The following JAK2 variants were observed in gnomAD, a reference collection of about 807,000 sequenced individuals.
JAK2 encodes tyrosine-protein kinase JAK2.
A neutral mutation model predicts 139.3 loss-of-function variants in JAK2; 86 were observed. That is an observed-to-expected ratio of 0.62 (90% CI 0.52 to 0.74). The LOEUF is 0.74. JAK2 is among the 30% of genes least tolerant of loss of function. The pLI is 0.00. For missense variants in JAK2, 1,421 were observed against 1,360.3 expected (o/e 1.04, Z -0.70); for synonymous variants, 490 against 437.7 (o/e 1.12, Z -1.49).
rs1824121758 is a variant in JAK2, at chr9:5,128,097, TGTGTGTG to T, written c.*1307_*1313del. The T allele has an allele frequency of 1.3e-5, 3 of 231,684 alleles. No homozygotes were observed. The highest frequency in any genetic ancestry group is 6.7e-5 in the African/African-American group (3 of 45,026). 14.4% of individuals were successfully genotyped at this position (231,684 alleles called of 1,614,324 possible). A position where few individuals can be genotyped will look rare whatever the true frequency, so the allele number is the denominator to read the frequency against. ...GGTGGGTTTTGTGTGTGTGTGTGTG[TGTGTGTG>T]TGTGTGTGTGTGTGTGTTATTTATA... On this transcript the variant is annotated 3_prime_UTR_variant, in exon 25 of 25. Transcript: ENST00000381652.
intron 4 of JAK2, among the ~76,000 whole-genome samples, chr9:5,036,394 A>G (rs1823603025): frequency 6.6e-6 from 1 of 152,190 alleles, no homozygotes; most frequent in Non-Finnish European, 1.5e-5. Context: ...TTCATATGGA[A>G]CCAAAAAAGA....
chr9:5,117,604 T>C (rs1318623800), intron 22 of JAK2, among the ~76,000 whole-genome samples: 1 of 152,200 alleles, frequency 6.6e-6, no homozygotes, highest in Non-Finnish European at 1.5e-5. Flanking sequence ...AAAGTTTATT[T>C]TGGAAATAGT....
At chr9:4,990,007 C>G (rs868441054) in intron 2 of JAK2, among the ~76,000 whole-genome samples, 3 of 152,044 alleles carry the variant, frequency 2.0e-5, no homozygotes, top group Admixed American at 1.3e-4. Context: ...AGTGCTAGGT[C>G]TCATATGAAT....
At chr9:5,122,497 CTCT>C (rs1329170660) in intron 22 of JAK2, among the ~76,000 whole-genome samples, 1 of 152,056 alleles carries the variant, frequency 6.6e-6, no homozygotes, top group Non-Finnish European at 1.5e-5. Context: ...TTAGAAGGTA[CTCT>C]GCAGTTAACC....
intron 22 of JAK2, among the ~76,000 whole-genome samples, chr9:5,115,961 A>G (rs1823126327): frequency 2.0e-5 from 3 of 151,974 alleles, no homozygotes; most frequent in Non-Finnish European, 4.4e-5. Context: ...AATGTAGTTG[A>G]TGGGTTGATG....
intron 4 of JAK2, among the ~76,000 whole-genome samples, chr9:5,032,766 A>C (rs199695257): frequency 6.6e-6 from 1 of 152,228 alleles, no homozygotes; most frequent in Non-Finnish European, 1.5e-5. Context: ...CATCAAAGAC[A>C]AAAGGTAGAT....
At chr9:5,080,163 T>G in intron 16 of JAK2, 66 bp from the exon 17 acceptor site, 5 of 1,226,854 alleles carry the variant, frequency 4.1e-6, no homozygotes, top group Non-Finnish European at 5.7e-6. Context: ...TTTAAAGCTA[T>G]TTACATATAA....
At position 5,121,660 on chromosome 9, in the gene JAK2, A is replaced by G. The variant is rs574810111; in HGVS notation, c.3060-1344A>G. ...GAGGCTTTGAAGCAAGAGATTTTTA[A>G]AAGATTTACATACACTTCAAAAAGA... On this transcript the variant is annotated intron_variant, in intron 22 of 24. Coordinates refer to ENST00000381652, the MANE Select transcript of JAK2 (RefSeq NM_004972.4). Among the ~76,000 whole-genome samples, 6 of 152,314 alleles carry G rather than the reference A, an allele frequency of 3.9e-5. No individual in the cohort carries two copies. The South Asian group carries it at 1.0e-3, about 26-fold the overall frequency.
chr9:5,020,542 G>A (rs182776540), intron 2 of JAK2, among the ~76,000 whole-genome samples: 1 of 152,276 alleles, frequency 6.6e-6, no homozygotes, highest in African/African-American at 2.4e-5. Context: ...TGCTGTCAGT[G>A]GGAGCAGTTG....
At chr9:5,021,942 C>G (rs926768721) in intron 2 of JAK2, 21 bp from the exon 3 acceptor site, 2 of 1,455,624 alleles carry the variant, frequency 1.4e-6, no homozygotes, top group African/African-American at 2.8e-5. Flanking sequence ...CCATTTGTAA[C>G]TTTATTGTTT....
intron 2 of JAK2, among the ~76,000 whole-genome samples, chr9:5,001,494 C>G (rs555361888): frequency 2.0e-5 from 3 of 152,196 alleles, no homozygotes; most frequent in East Asian, 3.9e-4. Flanking sequence ...TGCATTGATT[C>G]ATTTTCAAAT....
intron 19 of JAK2, among the ~76,000 whole-genome samples, chr9:5,083,904 A>G (rs1302191960): frequency 2.0e-5 from 3 of 152,122 alleles, no homozygotes; most frequent in Non-Finnish European, 4.4e-5. Context: ...CAATAGTGAA[A>G]CCATTCTATA....
intron 8 of JAK2, among the ~76,000 whole-genome samples, chr9:5,059,401 C>G (rs936073705): frequency 1.3e-5 from 2 of 152,092 alleles, no homozygotes; most frequent in Non-Finnish European, 2.9e-5. Context: ...TCAGTTCATT[C>G]CTTTTTATTG....
At chr9:5,096,985 C>T (rs1167708187) in intron 22 of JAK2, 3 of 152,134 alleles carry the variant, frequency 2.0e-5, no homozygotes, top group Admixed American at 2.0e-4. Flanking sequence ...ACTTCTCCCC[C>T]ACTCTTTCCT....
At chr9:4,996,694 C>T (rs938972458) in intron 2 of JAK2, among the ~76,000 whole-genome samples, 1 of 151,784 alleles carries the variant, frequency 6.6e-6, no homozygotes, top group Non-Finnish European at 1.5e-5. Context: ...TTATCCTTGC[C>T]TTCACCCCTA....
intron 22 of JAK2, chr9:5,110,233 T>A (rs536208005): frequency 1.3e-5 from 2 of 151,932 alleles, no homozygotes; most frequent in South Asian, 4.2e-4. Context: ...GTAGCAGGAG[T>A]TTTCCTGCTC....
At chr9:5,120,571 A>AG (rs1384361172) in intron 22 of JAK2, among the ~76,000 whole-genome samples, 4 of 152,214 alleles carry the variant, frequency 2.6e-5, no homozygotes, top group Admixed American at 6.5e-5. Context: ...GTTGTAAAAA[A>AG]TCGGTGAAAC....
intron 22 of JAK2, among the ~76,000 whole-genome samples, chr9:5,117,353 A>G (rs1462424124): frequency 6.6e-6 from 1 of 152,254 alleles, no homozygotes; most frequent in Admixed American, 6.5e-5. Context: ...CCAGGGGAAT[A>G]ACATGGTGAG....
chr9:5,056,095 T>G (rs763714381), intron 8 of JAK2, among the ~76,000 whole-genome samples: 43 of 152,024 alleles, frequency 2.8e-4, no homozygotes, highest in Non-Finnish European at 1.6e-4. Flanking sequence ...GATGTAATGC[T>G]CACCCCTGAC....
Sources: allele counts gnomAD v4.1 joint callset (sites outside exome capture counted in the v4.1 genomes callset), GRCh38; gene constraint gnomAD v4.1.1; transcripts MANE v1.5; gene names NCBI Gene and HGNC (gene_info 2026-07-23, HGNC 2026-07-21).